The following CDK5RAP2 variants were observed in gnomAD, a reference collection of about 807,000 sequenced individuals.
CDK5RAP2 encodes the protein CDK5 regulatory subunit-associated protein 2.
Under a neutral mutation model 232.9 loss-of-function variants are expected in CDK5RAP2, and 147 were observed. The ratio of observed to expected loss-of-function variants is 0.63; its 90% CI spans 0.55 to 0.72. The LOEUF (loss-of-function observed/expected upper bound fraction) is 0.72, where lower values mean the gene tolerates loss of function less well. Among genes scored for constraint, CDK5RAP2 ranks in the 30% least tolerant of loss-of-function variants. The probability of loss-of-function intolerance (pLI) is 0.00; values close to 1 mark genes in which losing one functional copy is unlikely to be tolerated. For missense variants in CDK5RAP2, 2,195 were observed against 2,231.5 expected (o/e 0.98, Z 0.33); for synonymous variants, 833 against 833.7 (o/e 1.00, Z 0.01).
chr9:120,564,881 G>A (rs2042593393), intron 3 of CDK5RAP2, among the ~76,000 whole-genome samples: 1 of 152,156 alleles, frequency 6.6e-6, no homozygotes, highest in African/African-American at 2.4e-5. Flanking sequence ...CTCACAACAG[G>A]TACAGGCCTT....
At chr9:120,391,731 T>A (rs2032000847) in intron 36 of CDK5RAP2, among the ~76,000 whole-genome samples, 1 of 152,156 alleles carries the variant, frequency 6.6e-6, no homozygotes, top group South Asian at 2.1e-4. Context: ...TTTGACCAGG[T>A]AGCAATCAGC....
chr9:120,472,022 T>A, intron 15 of CDK5RAP2, 144 bp from the exon 16 acceptor site: 39 of 977,564 alleles, frequency 4.0e-5, no homozygotes, highest in Non-Finnish European at 5.1e-5. Context: ...TATAGAGAAT[T>A]TTAAATACAA....
At chr9:120,394,976 C>T (rs2032332999) in intron 35 of CDK5RAP2, among the ~76,000 whole-genome samples, 2 of 152,158 alleles carry the variant, frequency 1.3e-5, no homozygotes, top group African/African-American at 4.8e-5. Flanking sequence ...AACATAAGCA[C>T]AAGAAGATGC....
intron 12 of CDK5RAP2, among the ~76,000 whole-genome samples, chr9:120,506,354 G>A (rs1480054193): frequency 6.6e-6 from 1 of 152,216 alleles, no homozygotes; most frequent in African/African-American, 2.4e-5. Flanking sequence ...CATTGACAAT[G>A]CACCTGGTCA....
intron 5 of CDK5RAP2, among the ~76,000 whole-genome samples, chr9:120,544,751 C>T (rs904319607): frequency 6.6e-6 from 1 of 152,228 alleles, no homozygotes; most frequent in South Asian, 2.1e-4. Flanking sequence ...CAGAACAAAA[C>T]TTAGCACACT....
In CDK5RAP2 at chr9:120,460,677, G is replaced by T. The variant is rs539537887; in HGVS notation, c.2107-10C>A. Reference sequence around the variant, plus strand: ...CCTTGCTAGCCAGAAGCTACATGGAGCATGGAATGGTGTGAAAATGCAACC... The same window carrying T: ...CCTTGCTAGCCAGAAGCTACATGGATCATGGAATGGTGTGAAAATGCAACC... On this transcript the variant is annotated splice_polypyrimidine_tract_variant and intron_variant, in intron 18 of 37. Transcript: ENST00000349780. 6.2e-6 allele frequency: 10 copies of T among 1,613,806 alleles called. No homozygotes were observed. The highest frequency in any genetic ancestry group is 1.7e-5 in the Admixed American group (1 of 59,996).
intron 5 of CDK5RAP2, among the ~76,000 whole-genome samples, chr9:120,540,440 T>G (rs1391884720): frequency 6.6e-6 from 1 of 152,264 alleles, no homozygotes; most frequent in Non-Finnish European, 1.5e-5. Flanking sequence ...GTGAATTTTT[T>G]ACTGAGAACA....
intron 21 of CDK5RAP2, among the ~76,000 whole-genome samples, chr9:120,452,846 A>G (rs2036550425): frequency 1.3e-5 from 2 of 152,088 alleles, no homozygotes; most frequent in South Asian, 4.1e-4. Flanking sequence ...ACCACCGGTT[A>G]ACAACGGGAA....
At chr9:120,414,658 G>A (rs185330346) in intron 28 of CDK5RAP2, among the ~76,000 whole-genome samples, 12 of 152,310 alleles carry the variant, frequency 7.9e-5, no homozygotes, top group Admixed American at 2.0e-4. Context: ...CGGGGAGTGG[G>A]CGGTAATGTT....
chr9:120,576,026 T>C (rs1439713096), intron 1 of CDK5RAP2, among the ~76,000 whole-genome samples: 1 of 152,238 alleles, frequency 6.6e-6, no homozygotes, highest in Admixed American at 6.5e-5. Context: ...CTTGAAATGT[T>C]TTCTATTCTG....
At chr9:120,418,440 G>A (rs1213628378) in intron 27 of CDK5RAP2, among the ~76,000 whole-genome samples, 4 of 152,216 alleles carry the variant, frequency 2.6e-5, no homozygotes, top group Admixed American at 2.0e-4. Context: ...TTGCTGCATT[G>A]TAAACACCAC....
At position 120,571,999 on chromosome 9, in the gene CDK5RAP2, G is replaced by A. The variant is rs1289553305; in HGVS notation, c.102C>T (p.Asn34=). 6.2e-7 allele frequency: 1 copy of A among 1,613,984 alleles called. No individual in the cohort carries two copies. Among genetic ancestry groups the A allele is most frequent in the Admixed American group, 1.7e-5 (1 of 60,024 alleles). The change falls in exon 2 of 38, where the codon AAC becomes AAT. Residue 34 remains asparagine, a synonymous_variant. Coordinates refer to ENST00000349780, the MANE Select transcript of CDK5RAP2 (RefSeq NM_018249.6). ...GACCATTTCCCAACCCAGCATTGGG[G>A]TTGATGCCATCCAGGTCATCTGGTA... ...PSVPDDLDGI[N]PNAGLGNGLL...
At chr9:120,436,947 T>TA (rs1182012300) in intron 25 of CDK5RAP2, among the ~76,000 whole-genome samples, 1 of 152,030 alleles carries the variant, frequency 6.6e-6, no homozygotes, top group Non-Finnish European at 1.5e-5. Context: ...AATAAATAAA[T>TA]AAAAAATCCC....
chr9:120,422,603 TG>T, intron 26 of CDK5RAP2, 89 bp downstream of exon 26: 1 of 958,932 alleles, frequency 1.0e-6, no homozygotes, highest in Non-Finnish European at 1.7e-6. Flanking sequence ...ACAAACAGAA[TG>T]GGAAGGAGCC....
At chr9:120,525,527 C>T (rs1781027346) in intron 10 of CDK5RAP2, among the ~76,000 whole-genome samples, 1 of 152,118 alleles carries the variant, frequency 6.6e-6, no homozygotes, top group Non-Finnish European at 1.5e-5. Context: ...TTTGCCAGCA[C>T]CCAGAGCAGC....
chr9:120,542,275 A>AG (rs2041664571), intron 5 of CDK5RAP2, among the ~76,000 whole-genome samples: 1 of 152,144 alleles, frequency 6.6e-6, no homozygotes, highest in African/African-American at 2.4e-5. Flanking sequence ...AGGCCAATGC[A>AG]GGGGGGATCA....
At chr9:120,545,957 A>C (rs2041825337) in intron 4 of CDK5RAP2, among the ~76,000 whole-genome samples, 167 bp from the exon 5 acceptor site, 1 of 152,266 alleles carries the variant, frequency 6.6e-6, no homozygotes, top group Non-Finnish European at 1.5e-5. Context: ...GGAAAAGGGA[A>C]TTATTAAACA....
Position 120,580,015 on chromosome 9 carries a change from G to T in CDK5RAP2, c.-37C>A. ...TGGCGACAGCGTTGGTGTCTGTGGC[G>T]GCGGCGCCACTAGTACCCCCCGCGA... On this transcript the variant is annotated 5_prime_UTR_variant, in exon 1 of 38. Transcript: ENST00000349780. 6.9e-7 allele frequency: 1 copy of T among 1,458,790 alleles called. No homozygotes were observed. 90.4% of individuals were successfully genotyped at this position (1,458,790 alleles called of 1,614,324 possible). A position where few individuals can be genotyped will look rare whatever the true frequency, so the allele number is the denominator to read the frequency against.
intron 7 of CDK5RAP2, among the ~76,000 whole-genome samples, chr9:120,530,481 C>T (rs560115127): frequency 2.0e-5 from 3 of 152,304 alleles, no homozygotes; most frequent in Admixed American, 2.0e-4. Flanking sequence ...AGATATGTCA[C>T]TGAAACCTAA....
Sources: gnomAD v4.1 joint callset for allele counts (sites outside exome capture counted in the v4.1 genomes callset) on GRCh38, gnomAD v4.1.1 for gene constraint, MANE v1.5 for transcripts, NCBI Gene and HGNC (gene_info 2026-07-23, HGNC 2026-07-21) for gene names.